Variants in GLB1 observed in about 807,000 individuals in gnomAD.
GLB1 encodes galactosidase beta 1, also known as beta-galactosidase.
Under a neutral mutation model 74.0 loss-of-function variants are expected in GLB1, and 56 were observed. The ratio of observed to expected loss-of-function variants is 0.76; its 90% CI spans 0.61 to 0.94. The LOEUF (loss-of-function observed/expected upper bound fraction) is 0.94. GLB1 is among the 40% of genes least tolerant of loss of function. GLB1 has a pLI of 0.00. For synonymous variants in GLB1, 323 were observed against 323.6 expected (o/e 1.00, Z 0.02); for missense variants, 787 against 845.5 (o/e 0.93, Z 0.86).
intron 1 of GLB1, chr3:33,094,187 G>A (rs1251838321): frequency 6.2e-7 from 1 of 1,600,372 alleles, no homozygotes; most frequent in Non-Finnish European, 8.5e-7. Flanking sequence ...GCTGCCTGAA[G>A]ATGGCCATTT....
chr3:33,068,974 C>T lies in GLB1; in HGVS notation c.246-4G>A. 1 of 1,614,148 alleles carries T rather than the reference C, an allele frequency of 6.2e-7. No individual in the cohort carries two copies. ...ATGAAAGTTCCAGGGCACATACCTG[C>T]CAAGACACACACAGCCCCTTCCTGG... On this transcript the variant is annotated splice_region_variant and splice_polypyrimidine_tract_variant and intron_variant, in intron 2 of 15. Coordinates refer to ENST00000307363, the MANE Select transcript of GLB1 (RefSeq NM_000404.4).
At chr3:33,061,827 T>C (rs1438283832) in intron 5 of GLB1, 1 of 152,198 alleles carries the variant, frequency 6.6e-6, no homozygotes, top group African/African-American at 2.4e-5. Context: ...GAGATAAACA[T>C]CCACATATGC....
At chr3:33,019,412 G>A (rs1213972503) in intron 12 of GLB1, among the ~76,000 whole-genome samples, 1 of 152,126 alleles carries the variant, frequency 6.6e-6, no homozygotes, top group African/African-American at 2.4e-5. Flanking sequence ...TATTAGCAGG[G>A]CTGAGCTGGG....
rs140293540 is a variant in GLB1 at position 33,093,538 on chromosome 3, T to C, written c.75+3473A>G. The C allele has an allele frequency of 1.2e-4, 199 of 1,614,200 alleles. No individual in the cohort carries two copies. The African/African-American group carries it at 2.5e-3, about 20-fold the overall frequency. ...ATTTCCATCTTGGTCCTGCCCACTG[T>C]GGGGCCCAAGTGAATGTCTGAGAGG... On this transcript the variant is annotated intron_variant, in intron 1 of 15. Coordinates refer to ENST00000307363, the MANE Select transcript of GLB1 (RefSeq NM_000404.4). This position sits in a 1 kb window ranked among gnomAD's most constrained non-coding sequence, Gnocchi z 6.0.
intron 10 of GLB1, among the ~76,000 whole-genome samples, chr3:33,027,407 G>C (rs1405720838): frequency 6.6e-6 from 1 of 152,262 alleles, no homozygotes; most frequent in South Asian, 2.1e-4. Context: ...CATGAACCGA[G>C]TGCAGCCTGC....
chr3:33,094,433 A>T, intron 1 of GLB1: 1 of 1,121,574 alleles, frequency 8.9e-7, no homozygotes. Flanking sequence ...GTCAGTTGCT[A>T]GCTATACTTT....
chr3:33,093,519 A>G lies in GLB1; in HGVS notation c.75+3492T>C. 1 of 1,614,156 alleles carries G rather than the reference A, an allele frequency of 6.2e-7. No individual in the cohort carries two copies. The highest frequency in any genetic ancestry group is 8.5e-7 in the Non-Finnish European group (1 of 1,180,038). ...ATTCACCATCCTCACAAACATTTCC[A>G]TCTTGGTCCTGCCCACTGTGGGGCC... is the stretch of plus-strand genomic sequence containing the variant. On this transcript the variant is annotated intron_variant, in intron 1 of 15. Coordinates refer to ENST00000307363, the MANE Select transcript of GLB1 (RefSeq NM_000404.4). This position sits in a 1 kb window ranked among gnomAD's most constrained non-coding sequence, Gnocchi z 6.0.
At chr3:33,026,604 C>T (rs1697770465) in intron 10 of GLB1, among the ~76,000 whole-genome samples, 1 of 152,160 alleles carries the variant, frequency 6.6e-6, no homozygotes, top group South Asian at 2.1e-4. Context: ...ACTTGTGGTG[C>T]TTTTCCCTGG....
the GLB1 span, among the ~76,000 whole-genome samples, chr3:32,991,545 C>T: frequency 6.6e-6 from 1 of 152,188 alleles, no homozygotes; most frequent in Non-Finnish European, 1.5e-5. Flanking sequence ...CAGTAGAGTA[C>T]AGTGGACTGA....
chr3:33,059,282 CACACACACAG>C (rs1044588734), intron 5 of GLB1, among the ~76,000 whole-genome samples: 3 of 131,054 alleles, frequency 2.3e-5, no homozygotes, highest in Middle Eastern at 3.6e-3. Flanking sequence ...CACACACACA[CACACACACAG>C]AGCAAATAAA....
intron 15 of GLB1, among the ~76,000 whole-genome samples, chr3:33,008,925 G>A (rs868485205): frequency 2.6e-4 from 40 of 151,742 alleles, no homozygotes; most frequent in Middle Eastern, 3.4e-3. Context: ...TTTGAGACTG[G>A]CCTGACCAAC....
In GLB1 at chr3:33,058,091, G is replaced by C; in HGVS notation, c.731C>G (p.Thr244Arg). 9 of 1,613,514 alleles carry C rather than the reference G, an allele frequency of 5.6e-6. No individual in the cohort carries two copies. Among genetic ancestry groups the C allele is most frequent in the Non-Finnish European group, 7.6e-6 (9 of 1,180,024 alleles). Residue 244 changes from threonine to arginine, a missense_variant and splice_region_variant, in exon 6 of 16, where the codon ACA (threonine) becomes AGA (arginine). Transcript: ENST00000307363. ...QGLYTTVDFG[T>R]GSNITDAFLS... ...TTTCTGTTACTACAAACACCAACCT[G>C]TTCCAAAGTCCACCGTGGTGTAGAG...
At chr3:33,007,061 G>C (rs1192865785) in intron 15 of GLB1, among the ~76,000 whole-genome samples, 2 of 152,148 alleles carry the variant, frequency 1.3e-5, no homozygotes, top group Non-Finnish European at 2.9e-5. Context: ...AGAAGCCCCA[G>C]AGCTGGCCTG....
chr3:33,061,471 G>A (rs1446475366), intron 5 of GLB1, among the ~76,000 whole-genome samples: 1 of 152,062 alleles, frequency 6.6e-6, no homozygotes, highest in Non-Finnish European at 1.5e-5. Context: ...AGCCATAGAG[G>A]TCTCCATCTC....
At chr3:33,085,406 T>C (rs1256540703) in intron 1 of GLB1, among the ~76,000 whole-genome samples, 2 of 152,106 alleles carry the variant, frequency 1.3e-5, no homozygotes, top group African/African-American at 2.4e-5. Flanking sequence ...GCTACAACTA[T>C]TCTAAAAAAT....
chr3:33,009,723 A>G (rs1158380747), intron 15 of GLB1, among the ~76,000 whole-genome samples: 3 of 152,200 alleles, frequency 2.0e-5, no homozygotes, highest in Non-Finnish European at 4.4e-5. Context: ...GTTTCAGAGC[A>G]TATCCATCAG....
chr3:33,065,515 G>A lies in GLB1; in HGVS notation c.500C>T (p.Pro167Leu). The change falls in exon 5 of 16, where the codon CCC becomes CTC. Residue 167 changes from proline to leucine, a missense_variant. Pro to Leu is a moderately conservative substitution (Grantham distance 98). Coordinates refer to ENST00000307363, the MANE Select transcript of GLB1 (RefSeq NM_000404.4). ...CTGATAGAGGAGAGGCTTCATCTTG[G>A]GCAGAAGGACTCCCAACCACTTGTC... ...AVDKWLGVLLPKMKPLLYQNG... is the reference protein window; with the variant it reads ...AVDKWLGVLLLKMKPLLYQNG... 6.3e-7 allele frequency: 1 copy of A among 1,586,100 alleles called. No individual in the cohort carries two copies. Among genetic ancestry groups the A allele is most frequent in the Non-Finnish European group, 8.6e-7 (1 of 1,162,674 alleles).
the GLB1 span, among the ~76,000 whole-genome samples, chr3:32,987,756 T>A: frequency 1.3e-5 from 2 of 152,232 alleles, no homozygotes; most frequent in Non-Finnish European, 2.9e-5. Flanking sequence ...TTATTCTCAA[T>A]GCCCAGCATG....
At chr3:32,982,867 T>G in the GLB1 span, among the ~76,000 whole-genome samples, 1 of 152,200 alleles carries the variant, frequency 6.6e-6, no homozygotes, top group Non-Finnish European at 1.5e-5. Context: ...GGGAGAATTT[T>G]CACTGGATAT....
Sources: allele counts gnomAD v4.1 joint callset (sites outside exome capture counted in the v4.1 genomes callset), GRCh38; gene constraint gnomAD v4.1.1; non-coding constraint Gnocchi (gnomAD v3.1); transcripts MANE v1.5; gene names NCBI Gene and HGNC (gene_info 2026-07-23, HGNC 2026-07-21).